BEGAIN: variants seen among roughly 807,000 people sequenced by gnomAD.
BEGAIN encodes the protein brain-enriched guanylate kinase-associated protein.
BEGAIN carries 19 observed loss-of-function variants against 35.8 expected under a neutral mutation model. The observed-to-expected ratio is 0.53, with a 90% CI of 0.37 to 0.78. The LOEUF is 0.78. Among genes scored for constraint, BEGAIN ranks in the 30% least tolerant of loss-of-function variants. The probability of loss-of-function intolerance (pLI) is 0.00; values close to 1 mark genes in which losing one functional copy is unlikely to be tolerated. For missense variants in BEGAIN, 795 were observed against 853.6 expected, an observed-to-expected ratio of 0.93 and a Z score of 0.85; for synonymous variants, 462 against 388.6, an observed-to-expected ratio of 1.19 and a Z score of -2.22.
At chr14:100,554,998 C>T (rs898780189) in intron 2 of BEGAIN, among the ~76,000 whole-genome samples, 5 of 152,262 alleles carry the variant, frequency 3.3e-5, no homozygotes, top group Non-Finnish European at 7.3e-5. Flanking sequence ...GGGTCACACG[C>T]TCACCCTCTC....
chr14:100,567,831 C>G lies in BEGAIN; in HGVS notation c.71+80G>C, dbSNP rs1298641121. 5.0e-5 allele frequency: 69 copies of G among 1,379,542 alleles called. No individual in the cohort carries two copies. Among genetic ancestry groups the G allele is most frequent in the Admixed American group, 1.2e-4 (5 of 40,374 alleles). The allele number at this position is 1,379,542 out of a possible 1,614,324, so 85.5% of individuals were successfully genotyped here. On this transcript the variant is annotated intron_variant, in intron 2 of 6. Coordinates refer to ENST00000554140, the MANE Select transcript of BEGAIN (RefSeq NM_001385089.1). The surrounding 1 kb of genome is among the most constrained non-coding windows in gnomAD (Gnocchi z 5.1). ...CCCTGGGGGATGCGCTCGGGTGGAG[C>G]CCCCTTCCCCCGCCTTCCCCAGCGC...
chr14:100,548,840 G>C (rs2032870046), intron 2 of BEGAIN: 1 of 152,190 alleles, frequency 6.6e-6, no homozygotes, highest in South Asian at 2.1e-4. Context: ...GCTTCACAGA[G>C]CCTCAGTTTA....
chr14:100,579,464 A>G (rs995328133), intron 1 of BEGAIN, among the ~76,000 whole-genome samples: 2 of 152,130 alleles, frequency 1.3e-5, no homozygotes, highest in African/African-American at 4.8e-5. Flanking sequence ...GATCCTTCCT[A>G]GGATGCGGCT....
rs1478583791 is a variant in BEGAIN at position 100,538,932 on chromosome 14, G to A, written c.876C>T (p.Ala292=). The A allele has an allele frequency of 2.5e-6, 4 of 1,608,204 alleles. No individual in the cohort carries two copies. The highest frequency in any genetic ancestry group is 4.5e-5 in the East Asian group (2 of 44,732). ...AGCCCGCCGGGAAGGCCGCCGCCTC[G>A]GCCTCCTCCTCCTCCTCGGCCGCGC... ...TDSAAEEEEE[A]EAAAFPAGFQ... is the part of the protein sequence containing the mutation. Residue 292 remains alanine (A), a synonymous_variant, in exon 7 of 7, where the codon GCC becomes GCT. Transcript: ENST00000554140.
chr14:100,581,725 C>T (rs1240910567), intron 1 of BEGAIN, among the ~76,000 whole-genome samples: 5 of 152,228 alleles, frequency 3.3e-5, no homozygotes, highest in Admixed American at 1.3e-4. Context: ...CACTCACACC[C>T]GTTTCCTCTC....
intron 2 of BEGAIN, among the ~76,000 whole-genome samples, chr14:100,557,020 C>A (rs72714000): frequency 1.1e-4 from 16 of 152,278 alleles, no homozygotes; most frequent in Non-Finnish European, 2.4e-4. Context: ...CGAGTCAGGG[C>A]AGGCCAAAGC....
chr14:100,537,791 G>A lies in BEGAIN; in HGVS notation c.*178C>T. 1.0e-6 allele frequency: 1 copy of A among 981,114 alleles called. No homozygotes were observed. The highest frequency in any genetic ancestry group is 1.4e-6 in the Non-Finnish European group (1 of 706,294). 60.8% of individuals were successfully genotyped at this position (981,114 alleles called of 1,614,324 possible). ...CGGGGCCGGGTGGACACCGTGGTGTGGGGGACCCTCCCCTCAGGCCTACAG... is the reference window on the plus strand; with the variant it reads ...CGGGGCCGGGTGGACACCGTGGTGTAGGGGACCCTCCCCTCAGGCCTACAG... On this transcript the variant is annotated 3_prime_UTR_variant, in exon 7 of 7. Transcript: ENST00000554140.
chr14:100,548,709 C>G (rs969831196), intron 2 of BEGAIN: 1 of 152,230 alleles, frequency 6.6e-6, no homozygotes, highest in Non-Finnish European at 1.5e-5. Context: ...CCCCGGGAGC[C>G]TGCGGTCCAG....
chr14:100,569,798 G>C (rs775015638), intron 1 of BEGAIN: 2 of 154,688 alleles, frequency 1.3e-5, no homozygotes, highest in Middle Eastern at 5.2e-4. Context: ...AAAGCAGAGA[G>C]GGGACAGCAG....
At position 100,537,917 on chromosome 14, in the gene BEGAIN, G is replaced by A; in HGVS notation, c.*52C>T. 1.3e-6 allele frequency: 2 copies of A among 1,549,422 alleles called. No individual in the cohort carries two copies. The highest frequency in any genetic ancestry group is 1.7e-6 in the Non-Finnish European group (2 of 1,148,996). On this transcript the variant is annotated 3_prime_UTR_variant, in exon 7 of 7. Transcript: ENST00000554140. ...GGGAGAGGTGAGGCCGGCCCTTCTGGGGCACGTGGGCTGGCGGGGAGCGAA... is the reference window on the plus strand; with the variant it reads ...GGGAGAGGTGAGGCCGGCCCTTCTGAGGCACGTGGGCTGGCGGGGAGCGAA...
chr14:100,546,901 G>A, intron 2 of BEGAIN: 4 of 402,628 alleles, frequency 9.9e-6, no homozygotes, highest in South Asian at 9.9e-5. Context: ...TGGCCTGGGC[G>A]GTTCCTCAGA....
chr14:100,554,472 G>A (rs1198799723), intron 2 of BEGAIN, among the ~76,000 whole-genome samples: 1 of 152,112 alleles, frequency 6.6e-6, no homozygotes, highest in Non-Finnish European at 1.5e-5. Flanking sequence ...CCAGGCTGTA[G>A]GCAGCCAGGC....
At chr14:100,577,428 C>T (rs141836246) in intron 1 of BEGAIN, 46 of 399,410 alleles carry the variant, frequency 1.2e-4, no homozygotes, top group Middle Eastern at 6.3e-4. Flanking sequence ...CCTCAGTGGC[C>T]GCCTCCGAAG....
At chr14:100,579,406 A>G (rs558577821) in intron 1 of BEGAIN, among the ~76,000 whole-genome samples, 1 of 152,358 alleles carries the variant, frequency 6.6e-6, no homozygotes, top group African/African-American at 2.4e-5. Flanking sequence ...TGGACCCTCC[A>G]TCATTTGTGT....
intron 6 of BEGAIN, chr14:100,540,283 G>T: frequency 1.7e-6 from 1 of 573,430 alleles, no homozygotes; most frequent in South Asian, 2.1e-5. Flanking sequence ...AGGGACTCTG[G>T]TGAGGGCCAG....
In BEGAIN at chr14:100,587,237, G is replaced by A; in HGVS notation, c.42+12C>T. On this transcript the variant is annotated intron_variant, in intron 1 of 6. Coordinates refer to ENST00000554140, the MANE Select transcript of BEGAIN (RefSeq NM_001385089.1). Reference sequence around the variant, plus strand: ...CGCCCGCGCCCTGCCCTCCCGGCTCGCAGGTACTCACCGCCCGGCGCAGCC... The same window carrying A: ...CGCCCGCGCCCTGCCCTCCCGGCTCACAGGTACTCACCGCCCGGCGCAGCC... 1 of 195,044 alleles carries A rather than the reference G, an allele frequency of 5.1e-6. No homozygotes were observed. The highest frequency in any genetic ancestry group is 7.3e-5 in the South Asian group (1 of 13,648). 12.1% of individuals were successfully genotyped at this position (195,044 alleles called of 1,614,324 possible).
chr14:100,560,200 G>A (rs949458378), intron 2 of BEGAIN, among the ~76,000 whole-genome samples: 2 of 152,246 alleles, frequency 1.3e-5, no homozygotes, highest in East Asian at 1.9e-4. Context: ...TCCTCAAGGA[G>A]GAATGGGGGC....
At chr14:100,544,902 G>T in intron 4 of BEGAIN, 98 bp downstream of exon 4, 1 of 1,196,562 alleles carries the variant, frequency 8.4e-7, no homozygotes, top group Non-Finnish European at 1.2e-6. Context: ...AGCAAGACCT[G>T]TGTCCCAGCT....
chr14:100,571,755 C>T (rs1034148704), intron 1 of BEGAIN, among the ~76,000 whole-genome samples: 1 of 152,184 alleles, frequency 6.6e-6, no homozygotes, highest in Non-Finnish European at 1.5e-5. Context: ...AGCCTCCCCT[C>T]GCTAGGCACA....
Sources: gnomAD v4.1 joint callset for allele counts (sites outside exome capture counted in the v4.1 genomes callset) on GRCh38, gnomAD v4.1.1 for gene constraint, Gnocchi (gnomAD v3.1) non-coding constraint, MANE v1.5 for transcripts, NCBI Gene and HGNC (gene_info 2026-07-23, HGNC 2026-07-21) for gene names.